The following PRKCA variants were observed in gnomAD, a reference collection of about 807,000 sequenced individuals.
PRKCA encodes protein kinase C alpha.
Under a neutral mutation model 87.0 loss-of-function variants are expected in PRKCA, and 27 were observed. That is an observed-to-expected ratio of 0.31 (90% CI 0.23 to 0.43). The LOEUF (loss-of-function observed/expected upper bound fraction) is 0.43, where lower values mean the gene tolerates loss of function less well. Ranked by LOEUF, PRKCA falls within the 20% of genes least tolerant of loss-of-function variation. The probability of loss-of-function intolerance (pLI) is 1.00; values close to 1 mark genes in which losing one functional copy is unlikely to be tolerated. For synonymous variants in PRKCA, 329 were observed against 311.1 expected (o/e 1.06, Z -0.61); for missense variants, 518 against 852.3 (o/e 0.61, Z 4.88).
chr17:66,326,616 A>G (rs897317475), intron 2 of PRKCA, among the ~76,000 whole-genome samples: 2 of 152,136 alleles, frequency 1.3e-5, no homozygotes, highest in African/African-American at 2.4e-5. Flanking sequence ...CAACTCAGTA[A>G]TTGTGTGCCT....
At chr17:66,340,377 T>C (rs1906971294) in intron 2 of PRKCA, among the ~76,000 whole-genome samples, 1 of 130,356 alleles carries the variant, frequency 7.7e-6, no homozygotes, top group Non-Finnish European at 1.6e-5. Context: ...TTTTTTTTTT[T>C]TTCTTTTTTT....
chr17:66,545,956 A>G (rs1968133623), intron 3 of PRKCA, among the ~76,000 whole-genome samples: 1 of 152,216 alleles, frequency 6.6e-6, no homozygotes, highest in Non-Finnish European at 1.5e-5. Flanking sequence ...GTTTGATATT[A>G]ATCTGGCCAG....
intron 2 of PRKCA, among the ~76,000 whole-genome samples, chr17:66,423,457 A>C (rs78704044): frequency 1.3e-4 from 20 of 152,340 alleles, no homozygotes; most frequent in Non-Finnish European, 2.5e-4. Flanking sequence ...CAAGGGATTT[A>C]CTAACAATAG....
At chr17:66,686,131 C>T (rs1972620859) in intron 5 of PRKCA, among the ~76,000 whole-genome samples, 1 of 152,178 alleles carries the variant, frequency 6.6e-6, no homozygotes, top group Non-Finnish European at 1.5e-5. Flanking sequence ...GCTTTTGTCC[C>T]TTCATCATAG....
At chr17:66,511,340 T>G (rs1917219805) in intron 3 of PRKCA, among the ~76,000 whole-genome samples, 2 of 152,194 alleles carry the variant, frequency 1.3e-5, no homozygotes, top group South Asian at 4.1e-4. Context: ...CTCCAGTTAC[T>G]AAAATTAATC....
chr17:66,594,573 G>A (rs867440823), intron 3 of PRKCA, among the ~76,000 whole-genome samples: 2 of 151,946 alleles, frequency 1.3e-5, no homozygotes, highest in Admixed American at 6.6e-5. Flanking sequence ...CACGTTCTGG[G>A]AAATCACAGG....
At chr17:66,305,058 A>G (rs1219631484) in intron 1 of PRKCA, among the ~76,000 whole-genome samples, 1 of 152,162 alleles carries the variant, frequency 6.6e-6, no homozygotes, top group Non-Finnish European at 1.5e-5. Context: ...CACCACCAGT[A>G]TTGTGAAGTG....
intron 2 of PRKCA, among the ~76,000 whole-genome samples, chr17:66,461,706 T>C (rs1171776698): frequency 1.3e-5 from 2 of 152,194 alleles, no homozygotes; most frequent in Admixed American, 1.3e-4. Context: ...CACTGGGCAC[T>C]TAGGTTTATA....
At chr17:66,433,157 T>C (rs905127494) in intron 2 of PRKCA, among the ~76,000 whole-genome samples, 1 of 152,028 alleles carries the variant, frequency 6.6e-6, no homozygotes, top group Admixed American at 6.6e-5. Context: ...CTCTAGAGAT[T>C]AAGTGTTCCA....
chr17:66,500,081 G>C (rs1916662634), intron 3 of PRKCA, among the ~76,000 whole-genome samples: 1 of 152,192 alleles, frequency 6.6e-6, no homozygotes, highest in South Asian at 2.1e-4. Flanking sequence ...AGAGGTACAA[G>C]GGAGCTGTTA....
chr17:66,472,403 C>T (rs932608514), intron 2 of PRKCA, among the ~76,000 whole-genome samples: 2 of 152,166 alleles, frequency 1.3e-5, no homozygotes, highest in African/African-American at 4.8e-5. Context: ...ACAGGTGTCC[C>T]TGGGTTGGCT....
At chr17:66,570,675 G>T (rs992252514) in intron 3 of PRKCA, among the ~76,000 whole-genome samples, 4 of 152,112 alleles carry the variant, frequency 2.6e-5, no homozygotes, top group African/African-American at 9.7e-5. Context: ...ACTAGTTTTG[G>T]CAGTTTTCCT....
chr17:66,778,085 C>T (rs560276451), intron 14 of PRKCA: 5 of 985,310 alleles, frequency 5.1e-6, no homozygotes, highest in Non-Finnish European at 6.0e-6. Flanking sequence ...AGCTCACGCC[C>T]CCTGGAGAGC....
chr17:66,689,870 G>A lies in PRKCA; in HGVS notation c.918+823G>A, dbSNP rs1036865402. ...GTCTGTGTAACTGGTTAATTCCTTC[G>A]TGAATCTTTCTCTTCTTCAGACTTG... On this transcript the variant is annotated intron_variant, in intron 8 of 16. Transcript: ENST00000413366. The surrounding 1 kb of genome is among the most constrained non-coding windows in gnomAD (Gnocchi z 4.1). Among the ~76,000 whole-genome samples, 7 of 152,130 alleles carry A rather than the reference G, an allele frequency of 4.6e-5. No individual in the cohort carries two copies. In the South Asian group the frequency reaches 8.3e-4, roughly 18 times the overall value.
At chr17:66,475,344 C>T (rs1053184038) in intron 2 of PRKCA, among the ~76,000 whole-genome samples, 1 of 152,006 alleles carries the variant, frequency 6.6e-6, no homozygotes, top group Non-Finnish European at 1.5e-5. Flanking sequence ...AGCCATGGCA[C>T]CTCATTAATG....
At chr17:66,583,343 C>A (rs1969501664) in intron 3 of PRKCA, among the ~76,000 whole-genome samples, 1 of 151,984 alleles carries the variant, frequency 6.6e-6, no homozygotes, top group Non-Finnish European at 1.5e-5. Flanking sequence ...GACATCTAAT[C>A]CTGAGCTAGT....
chr17:66,687,073 T>G (rs1972649331), intron 5 of PRKCA, 38 bp from the exon 6 acceptor site: 1 of 1,558,546 alleles, frequency 6.4e-7, no homozygotes, highest in Non-Finnish European at 8.8e-7. Flanking sequence ...ATAGGTCTGT[T>G]CTCTTTTTGT....
chr17:66,573,774 C>A (rs8071862), intron 3 of PRKCA, among the ~76,000 whole-genome samples: 1 of 151,944 alleles, frequency 6.6e-6, no homozygotes, highest in Non-Finnish European at 1.5e-5. Flanking sequence ...ATACACTGAA[C>A]TCATAAAAAT....
rs553557258 is a variant in PRKCA at position 66,321,525 on chromosome 17, C to T, written c.205+15398C>T. Among the ~76,000 whole-genome samples the T allele has an allele frequency of 2.8e-4, 43 of 152,276 alleles. 1 individual carries two copies. In the South Asian group the frequency reaches 8.5e-3, roughly 30 times the overall value. On this transcript the variant is annotated intron_variant, in intron 2 of 16. Transcript: ENST00000413366. ...TTGTCTTTTTTGAATAATGGCCTCC[C>T]TTTTCAAATAATTTAGCTCACTTTT...
Sources: allele counts gnomAD v4.1 joint callset (sites outside exome capture counted in the v4.1 genomes callset), GRCh38; gene constraint gnomAD v4.1.1; non-coding constraint Gnocchi (gnomAD v3.1); transcripts MANE v1.5; gene names NCBI Gene and HGNC (gene_info 2026-07-23, HGNC 2026-07-21).